The following MECOM variants were observed in gnomAD, a reference collection of about 807,000 sequenced individuals.
The protein encoded by MECOM is MDS1 and EVI1 complex locus.
Under a neutral mutation model 116.3 loss-of-function variants are expected in MECOM, and 13 were observed. That is an observed-to-expected ratio of 0.11 (90% CI 0.07 to 0.18). The LOEUF (loss-of-function observed/expected upper bound fraction) is 0.18, where lower values mean the gene tolerates loss of function less well. Among genes scored for constraint, MECOM ranks in the 10% least tolerant of loss-of-function variants. The probability of loss-of-function intolerance (pLI) is 1.00; values close to 1 mark genes in which losing one functional copy is unlikely to be tolerated. For missense variants in MECOM, 1,299 were observed against 1,509.0 expected (o/e 0.86, Z 2.31); for synonymous variants, 528 against 535.2 (o/e 0.99, Z 0.19).
chr3:169,226,356 A>G (rs12487880), intron 2 of MECOM, among the ~76,000 whole-genome samples: 16,595 of 152,254 alleles, frequency 0.11, 1,258 homozygotes, highest in African/African-American at 0.19. Context: ...AGTTTTTCTA[A>G]CTATTATAGA....
At chr3:169,416,979 C>T (rs1325994329) in intron 1 of MECOM, among the ~76,000 whole-genome samples, 9 of 152,174 alleles carry the variant, frequency 5.9e-5, no homozygotes, top group South Asian at 4.1e-4. Flanking sequence ...AAGACTTAAA[C>T]GTTAGACCTA....
chr3:169,381,219 A>G lies in MECOM; in HGVS notation c.343T>C (p.Ser115Pro). 6.2e-7 allele frequency: 1 copy of G among 1,611,258 alleles called. No individual in the cohort carries two copies. ...CCATAACTGGGGTCTTTCAGGTTTG[A>G]CCTCTGCTCTCCCACATAAGGCCCA... is the stretch of plus-strand genomic sequence containing the variant. ...KFGPYVGEQR[S>P]NLKDPSYGWE... The change falls in exon 2 of 17, where the codon TCA (serine) becomes CCA (proline). Residue 115 changes from serine (S) to proline (P), a missense_variant. Physicochemically the swap from Ser to Pro is moderately conservative, Grantham distance 74 (BLOSUM62 -1). Coordinates refer to ENST00000651503, the MANE Select transcript of MECOM (RefSeq NM_004991.4).
At chr3:169,413,084 G>T (rs1018660107) in intron 1 of MECOM, among the ~76,000 whole-genome samples, 3 of 152,230 alleles carry the variant, frequency 2.0e-5, no homozygotes, top group Non-Finnish European at 2.9e-5. Flanking sequence ...AATAGAAACA[G>T]CTCTGATCTG....
intron 2 of MECOM, among the ~76,000 whole-genome samples, chr3:169,184,699 A>C (rs1287411725): frequency 6.6e-6 from 1 of 152,114 alleles, no homozygotes; most frequent in African/African-American, 2.4e-5. Context: ...CACAGTGAGA[A>C]ACTACTGCTA....
At chr3:169,438,790 A>C (rs1453334281) in intron 1 of MECOM, among the ~76,000 whole-genome samples, 4 of 152,222 alleles carry the variant, frequency 2.6e-5, no homozygotes, top group African/African-American at 9.6e-5. Flanking sequence ...CAATCATTTA[A>C]AACCATGTGT....
At chr3:169,395,045 T>C (rs1446439331) in intron 1 of MECOM, among the ~76,000 whole-genome samples, 1 of 152,150 alleles carries the variant, frequency 6.6e-6, no homozygotes, top group Non-Finnish European at 1.5e-5. Context: ...AGGTCAAATA[T>C]ATATACAAAA....
chr3:169,525,304 G>C (rs1230318184), intron 1 of MECOM, among the ~76,000 whole-genome samples: 1 of 152,194 alleles, frequency 6.6e-6, no homozygotes, highest in East Asian at 1.9e-4. Flanking sequence ...TAGTATTACA[G>C]TATTGAGCTA....
chr3:169,283,456 A>T (rs1712600821), intron 2 of MECOM, among the ~76,000 whole-genome samples: 1 of 152,200 alleles, frequency 6.6e-6, no homozygotes, highest in African/African-American at 2.4e-5. Context: ...AGAAAAAAAT[A>T]GCTTGCTTGC....
chr3:169,556,887 C>T (rs1762091280), intron 1 of MECOM, among the ~76,000 whole-genome samples: 1 of 151,942 alleles, frequency 6.6e-6, no homozygotes, highest in Admixed American at 6.6e-5. Flanking sequence ...ATGCCAGCTC[C>T]CAGATTCCTG....
intron 1 of MECOM, among the ~76,000 whole-genome samples, chr3:169,509,140 C>G (rs1755649028): frequency 6.6e-6 from 1 of 152,180 alleles, no homozygotes; most frequent in East Asian, 1.9e-4. Context: ...AAAAGGTTCC[C>G]TGTCTAAGAC....
At chr3:169,357,932 T>C (rs1727549202) in intron 2 of MECOM, among the ~76,000 whole-genome samples, 1 of 151,680 alleles carries the variant, frequency 6.6e-6, no homozygotes, top group Non-Finnish European at 1.5e-5. Context: ...CCACACACAC[T>C]TTGAAGTTAA....
intron 1 of MECOM, among the ~76,000 whole-genome samples, chr3:169,595,193 CT>C (rs1766990654): frequency 6.6e-6 from 1 of 152,108 alleles, no homozygotes; most frequent in Non-Finnish European, 1.5e-5. Flanking sequence ...ACAAAGCTTA[CT>C]TTTGTCTACT....
intron 2 of MECOM, among the ~76,000 whole-genome samples, chr3:169,153,999 A>G (rs780304502): frequency 1.3e-5 from 2 of 152,142 alleles, no homozygotes; most frequent in African/African-American, 2.4e-5. Flanking sequence ...CTTCCATTCC[A>G]GTGTCAGTTG....
At chr3:169,482,205 T>C (rs1751395862) in intron 1 of MECOM, among the ~76,000 whole-genome samples, 1 of 152,156 alleles carries the variant, frequency 6.6e-6, no homozygotes, top group Non-Finnish European at 1.5e-5. Flanking sequence ...GTACTTCCCT[T>C]ACAGGCTGCT....
rs888261029 is a variant in MECOM at position 169,538,553 on chromosome 3, G to A, written c.37+124783C>T. On this transcript the variant is annotated intron_variant, in intron 1 of 16. Coordinates refer to ENST00000651503, the MANE Select transcript of MECOM (RefSeq NM_004991.4). The stretch of plus-strand genomic sequence containing the variant: ...TTTTTGAAATCTCAAAAAAACTATA[G>A]TACAACACAATCTGAATTCAAATCA... 2.0e-5 allele frequency among the ~76,000 whole-genome samples: 3 copies of A among 152,270 alleles called. No individual in the cohort carries two copies. The South Asian group carries it at 6.2e-4, about 32-fold the overall frequency.
At chr3:169,090,376 G>T in intron 14 of MECOM, 140 bp from the exon 15 acceptor site, 1 of 699,098 alleles carries the variant, frequency 1.4e-6, no homozygotes, top group Non-Finnish European at 2.3e-6. Flanking sequence ...TATGCTCTAC[G>T]TCAACCATGA....
chr3:169,619,224 G>T (rs765295203), intron 1 of MECOM, among the ~76,000 whole-genome samples: 7 of 152,206 alleles, frequency 4.6e-5, no homozygotes, highest in South Asian at 2.1e-4. Context: ...CGGCCGCAGC[G>T]CATCCCCAGT....
intron 2 of MECOM, chr3:169,149,736 C>G (rs140730227): frequency 2.4e-5 from 11 of 457,710 alleles, no homozygotes; most frequent in Non-Finnish European, 4.8e-5. Context: ...GCTTACCCTC[C>G]GAGACCTTGG....
intron 1 of MECOM, among the ~76,000 whole-genome samples, chr3:169,412,589 A>G (rs1737739313): frequency 6.6e-6 from 1 of 152,170 alleles, no homozygotes; most frequent in East Asian, 1.9e-4. Context: ...AGCATCTTCC[A>G]AAGAAAATTA....
Sources: gnomAD v4.1 joint callset for allele counts (sites outside exome capture counted in the v4.1 genomes callset) on GRCh38, gnomAD v4.1.1 for gene constraint, MANE v1.5 for transcripts, NCBI Gene and HGNC (gene_info 2026-07-23, HGNC 2026-07-21) for gene names.